RFPL4AL1: variants seen among roughly 807,000 people sequenced by gnomAD.
RFPL4AL1 encodes the protein ret finger protein like 4A like 1, also known as ret finger protein-like 4A-like protein 1.
Under a neutral mutation model 8.2 loss-of-function variants are expected in RFPL4AL1, and 2 were observed. The ratio of observed to expected loss-of-function variants is 0.24; its 90% CI spans 0.10 to 0.77. The LOEUF (loss-of-function observed/expected upper bound fraction) is 0.77, where lower values mean the gene tolerates loss of function less well. RFPL4AL1 is among the 30% of genes least tolerant of loss of function. The pLI, the probability that RFPL4AL1 is intolerant of heterozygous loss-of-function variation, is 0.72. For missense variants in RFPL4AL1, 57 were observed against 350.3 expected (o/e 0.16, Z 6.68); for synonymous variants, 25 against 131.8 (o/e 0.19, Z 5.55).
rs376971517 is a variant in RFPL4AL1, at chr19:55,769,132, C to T, written c.-53C>T. The stretch of plus-strand genomic sequence containing the variant: ...GCTCTCACTCCAGATCTGAGCTGTC[C>T]GCAGAAGCAGCTGGAGGCCAGGGGA... On this transcript the variant is annotated 5_prime_UTR_variant, in exon 1 of 3. Coordinates refer to ENST00000341750, the MANE Select transcript of RFPL4AL1 (RefSeq NM_001277397.2). 265 of 153,868 alleles carry T rather than the reference C, an allele frequency of 1.7e-3. No homozygotes were observed. The highest frequency in any genetic ancestry group is 6.1e-3 in the African/African-American group (253 of 41,480). The allele number at this position is 153,868 out of a possible 1,614,324, so 9.5% of individuals were successfully genotyped here. A position where few individuals can be genotyped will look rare whatever the true frequency, so the allele number is the denominator to read the frequency against.
At position 55,770,813 on chromosome 19, in the gene RFPL4AL1, C is replaced by T. The variant is rs1421899954; in HGVS notation, c.-9-983C>T. On this transcript the variant is annotated intron_variant, in intron 1 of 2. Transcript: ENST00000341750. ...GTGAAATTGTCACTGGATACGTTCT[C>T]GATTCTCTTGCGACCACACAGTATT... Among the ~76,000 whole-genome samples the T allele has an allele frequency of 7.9e-5, 12 of 152,042 alleles. No homozygotes were observed. In the South Asian group the frequency reaches 2.3e-3, roughly 29 times the overall value.
chr19:55,771,092 T>TG (rs1167473719), intron 1 of RFPL4AL1, among the ~76,000 whole-genome samples: 9 of 148,976 alleles, frequency 6.0e-5, no homozygotes, highest in Middle Eastern at 3.4e-3. Context: ...TTTTGTTTTT[T>TG]TTTTTTTTTT....
Position 55,769,329 on chromosome 19 carries a change from C to T in RFPL4AL1, c.-10+154C>T, listed in dbSNP as rs557131370. On this transcript the variant is annotated intron_variant, in intron 1 of 2. Coordinates refer to ENST00000341750, the MANE Select transcript of RFPL4AL1 (RefSeq NM_001277397.2). ...GATATTGGGACCTCTGCCCTGGTAA[C>T]GGTTAGGCAACTCTTAGATTTTCAA... 1.3e-3 allele frequency among the ~76,000 whole-genome samples: 195 copies of T among 152,054 alleles called. 2 individuals carry two copies. Among genetic ancestry groups the T allele is most frequent in the Middle Eastern group, 3.4e-3 (1 of 294 alleles).
intron 1 of RFPL4AL1, among the ~76,000 whole-genome samples, chr19:55,770,611 G>T (rs1017582967): frequency 3.3e-5 from 5 of 151,884 alleles, no homozygotes; most frequent in African/African-American, 1.2e-4. Context: ...GGGGTCAGCC[G>T]TGACACTGCA....
At chr19:55,770,433 G>C (rs1989469940) in intron 1 of RFPL4AL1, among the ~76,000 whole-genome samples, 1 of 151,932 alleles carries the variant, frequency 6.6e-6, no homozygotes, top group Non-Finnish European at 1.5e-5. Context: ...TAGGAGAGAA[G>C]TGTGGGCGTG....
chr19:55,770,030 T>C (rs1350333732), intron 1 of RFPL4AL1, among the ~76,000 whole-genome samples: 1 of 152,010 alleles, frequency 6.6e-6, no homozygotes, highest in Non-Finnish European at 1.5e-5. Context: ...CTCTTTGATA[T>C]GCTGACCTCT....
intron 1 of RFPL4AL1, among the ~76,000 whole-genome samples, chr19:55,771,086 G>GTTTTTTTTTTTT (rs74183507): frequency 1.5e-5 from 2 of 130,382 alleles, no homozygotes; most frequent in Non-Finnish European, 3.2e-5. Flanking sequence ...TCTGTTTTTT[G>GTTTTTTTTTTTT]TTTTTTTTTT....
intron 1 of RFPL4AL1, among the ~76,000 whole-genome samples, chr19:55,769,477 T>C (rs539162070): frequency 5.0e-4 from 76 of 151,638 alleles, no homozygotes; most frequent in African/African-American, 1.8e-3. Flanking sequence ...TTCCTATGGG[T>C]TTGGTATTGT....
At position 55,769,182 on chromosome 19, in the gene RFPL4AL1, T is replaced by A. The variant is rs1160989073; in HGVS notation, c.-10+7T>A. 5 of 152,742 alleles carry A rather than the reference T, an allele frequency of 3.3e-5. No individual in the cohort carries two copies. Among genetic ancestry groups the A allele is most frequent in the Non-Finnish European group, 7.4e-5 (5 of 67,788 alleles). 9.5% of individuals were successfully genotyped at this position (152,742 alleles called of 1,614,324 possible). ...AGAAACTCCAGAAGGAGAGGTGAGTTCAATCTTATGGAATTCATTTTTACA... is the reference window on the plus strand; with the variant it reads ...AGAAACTCCAGAAGGAGAGGTGAGTACAATCTTATGGAATTCATTTTTACA... On this transcript the variant is annotated splice_region_variant and intron_variant, in intron 1 of 2. Coordinates refer to ENST00000341750, the MANE Select transcript of RFPL4AL1 (RefSeq NM_001277397.2).
Position 55,773,206 on chromosome 19 carries a change from A to G in RFPL4AL1, c.*27A>G, listed in dbSNP as rs1489158841. ...TAAACATTTGAACATAATCATCTTTAGGAAGTTTCAGTGCCCCCATAGCCA... is the reference window on the plus strand; with the variant it reads ...TAAACATTTGAACATAATCATCTTTGGGAAGTTTCAGTGCCCCCATAGCCA... On this transcript the variant is annotated 3_prime_UTR_variant, in exon 3 of 3. Transcript: ENST00000341750. 1 of 1,336,076 alleles carries G rather than the reference A, an allele frequency of 7.5e-7. No homozygotes were observed. The highest frequency in any genetic ancestry group is 1.0e-6 in the Non-Finnish European group (1 of 963,342). 82.8% of individuals were successfully genotyped at this position (1,336,076 alleles called of 1,614,324 possible). A position where few individuals can be genotyped will look rare whatever the true frequency, so the allele number is the denominator to read the frequency against.
In RFPL4AL1 at chr19:55,769,902, G is replaced by A. The variant is rs139260731; in HGVS notation, c.-10+727G>A. On this transcript the variant is annotated intron_variant, in intron 1 of 2. Transcript: ENST00000341750. ...ATGCCAGAATTGCCTTCTTTTTTAT[G>A]GTAGAATAATCCAATGTATATATCA... 5.3e-5 allele frequency among the ~76,000 whole-genome samples: 8 copies of A among 151,244 alleles called. 1 individual carries two copies. The highest frequency in any genetic ancestry group is 3.4e-3 in the Middle Eastern group (1 of 294).
intron 2 of RFPL4AL1, among the ~76,000 whole-genome samples, 197 bp from the exon 3 acceptor site, chr19:55,772,405 A>G (rs1384137635): frequency 2.3e-5 from 3 of 130,052 alleles, no homozygotes; most frequent in African/African-American, 8.0e-5. Flanking sequence ...ACTTGTTACA[A>G]TGATCATATT....
Position 55,771,858 on chromosome 19 carries a change from T to C in RFPL4AL1, c.54T>C (p.Leu18=). The stretch of plus-strand genomic sequence containing the variant: ...GATGTCCTGTCTGTCTAAAAGATCT[T>C]GAAGAAGCCGTGCAACTGAAATGTG... The part of the protein sequence containing the change: ...IIRCPVCLKD[L]EEAVQLKCGY... Residue 18 remains leucine, a synonymous_variant, in exon 2 of 3, where the codon CTT becomes CTC. Transcript: ENST00000341750. 6.5e-7 allele frequency: 1 copy of C among 1,549,910 alleles called. No homozygotes were observed. The highest frequency in any genetic ancestry group is 8.7e-7 in the Non-Finnish European group (1 of 1,146,198).
rs1555799526 is a variant in RFPL4AL1, at chr19:55,771,086, G to GGTTTTTTTTTT, written c.-9-710_-9-709insGTTTTTTTTTT. Among the ~76,000 whole-genome samples, 20 of 130,382 alleles carry GGTTTTTTTTTT rather than the reference G, an allele frequency of 1.5e-4. 1 individual carries two copies. The highest frequency in any genetic ancestry group is 1.3e-4 in the Non-Finnish European group (8 of 63,340). 85.5% of individuals were successfully genotyped at this position (130,382 alleles called of 152,430 possible). A position where few individuals can be genotyped will look rare whatever the true frequency, so the allele number is the denominator to read the frequency against. ...TTGGTTTCTTTTAGTTCTGTTTTTTGTTTTTTTTTTTTTTTTTTTCCGCTA... is the reference window on the plus strand; with the variant it reads ...TTGGTTTCTTTTAGTTCTGTTTTTTGGTTTTTTTTTTTTTTTTTTTTTTTTTTTTTCCGCTA... On this transcript the variant is annotated intron_variant, in intron 1 of 2. Transcript: ENST00000341750.
chr19:55,771,580 A>G (rs541825998), intron 1 of RFPL4AL1, among the ~76,000 whole-genome samples: 1 of 147,140 alleles, frequency 6.8e-6, no homozygotes, highest in Non-Finnish European at 1.5e-5. Flanking sequence ...TCGGTGAATC[A>G]TGCCCTTTAT....
intron 1 of RFPL4AL1, among the ~76,000 whole-genome samples, chr19:55,771,396 T>C (rs1299406507): frequency 6.6e-6 from 1 of 152,168 alleles, no homozygotes; most frequent in African/African-American, 2.4e-5. Flanking sequence ...CTCAAGCAGA[T>C]AGTTTACATT....
chr19:55,772,715 T>G lies in RFPL4AL1; in HGVS notation c.400T>G (p.Phe134Val), dbSNP rs751217924. Reference sequence around the variant, plus strand: ...GAATAGGAAGGAGCAAGCTGAGAGGTTCGACACTGCCCTGTGCGTCCTGGG... The same window carrying G: ...GAATAGGAAGGAGCAAGCTGAGAGGGTCGACACTGCCCTGTGCGTCCTGGG... ...SQNRKEQAER[F>V]DTALCVLGTP... Residue 134 changes from phenylalanine to valine, a missense_variant, in exon 3 of 3, where the codon TTC becomes GTC. Transcript: ENST00000341750. 1 of 1,524,266 alleles carries G rather than the reference T, an allele frequency of 6.6e-7. No homozygotes were observed. The highest frequency in any genetic ancestry group is 8.8e-7 in the Non-Finnish European group (1 of 1,132,954). 94.4% of individuals were successfully genotyped at this position (1,524,266 alleles called of 1,614,324 possible). A position where few individuals can be genotyped will look rare whatever the true frequency, so the allele number is the denominator to read the frequency against.
chr19:55,769,964 G>T (rs1989459335), intron 1 of RFPL4AL1, among the ~76,000 whole-genome samples: 1 of 151,958 alleles, frequency 6.6e-6, no homozygotes, highest in Non-Finnish European at 1.5e-5. Context: ...CAGACGCTGG[G>T]GTTGTTTCCA....
chr19:55,769,388 C>T (rs571537061), intron 1 of RFPL4AL1, among the ~76,000 whole-genome samples: 1 of 152,010 alleles, frequency 6.6e-6, no homozygotes, highest in East Asian at 1.9e-4. Context: ...TCTCCATTTG[C>T]TTGAATTTCA....
Sources: allele counts gnomAD v4.1 joint callset (sites outside exome capture counted in the v4.1 genomes callset), GRCh38; gene constraint gnomAD v4.1.1; transcripts MANE v1.5; gene names NCBI Gene and HGNC (gene_info 2026-07-23, HGNC 2026-07-21).